The following USP34 variants were observed in gnomAD, a reference collection of about 807,000 sequenced individuals.
USP34 encodes the protein ubiquitin carboxyl-terminal hydrolase 34.
USP34 carries 70 observed loss-of-function variants against 460.3 expected under a neutral mutation model. That is an observed-to-expected ratio of 0.15 (90% CI 0.13 to 0.19). USP34 has a LOEUF of 0.19. USP34 is among the 10% of genes least tolerant of loss of function. The pLI is 1.00. For synonymous variants in USP34, 1,647 were observed against 1,405.3 expected (o/e 1.17, Z -3.85); for missense variants, 3,985 against 4,236.2 (o/e 0.94, Z 1.65).
intron 1 of USP34, among the ~76,000 whole-genome samples, chr2:61,460,737 T>C (rs140697415): frequency 2.0e-5 from 3 of 151,998 alleles, no homozygotes; most frequent in African/African-American, 4.8e-5. Flanking sequence ...GTAATCCCAG[T>C]ACTTTGGGAG....
At position 61,293,478 on chromosome 2, in the gene USP34, C is replaced by T; in HGVS notation, c.4534G>A (p.Glu1512Lys). 1 of 1,612,634 alleles carries T rather than the reference C, an allele frequency of 6.2e-7. No homozygotes were observed. The highest frequency in any genetic ancestry group is 8.5e-7 in the Non-Finnish European group (1 of 1,179,184). The change falls in exon 33 of 80, where the codon GAA becomes AAA. Residue 1512 changes from glutamate to lysine, a missense_variant. Glu to Lys is a moderately conservative substitution (Grantham distance 56). Transcript: ENST00000398571. Reference sequence around the variant, plus strand: ...TATGCACTTACCACAGTCCATGATTCCTGCTCTTTAGGCTCTAGAATTCCA... The same window carrying T: ...TATGCACTTACCACAGTCCATGATTTCTGCTCTTTAGGCTCTAGAATTCCA... ...NSGILEPKEQ[E>K]SWTVWQLDCL...
intron 10 of USP34, among the ~76,000 whole-genome samples, chr2:61,359,823 C>T (rs1692220649): frequency 1.4e-5 from 2 of 142,924 alleles, no homozygotes; most frequent in Admixed American, 7.2e-5. Context: ...CACTCTGTCA[C>T]CCAGCCTAAA....
At chr2:61,445,101 A>G (rs1332728361) in intron 1 of USP34, among the ~76,000 whole-genome samples, 1 of 151,732 alleles carries the variant, frequency 6.6e-6, no homozygotes, top group Non-Finnish European at 1.5e-5. Context: ...GTGTTAGCCT[A>G]AAAATGAACT....
chr2:61,398,622 GGGA>G (rs1693616606), intron 3 of USP34, among the ~76,000 whole-genome samples: 1 of 151,238 alleles, frequency 6.6e-6, no homozygotes, highest in Admixed American at 6.6e-5. Flanking sequence ...AGGAGAAAGA[GGGA>G]GGAGAGAGAA....
Position 61,287,312 on chromosome 2 carries a change from A to G in USP34, c.4749+1365T>C, listed in dbSNP as rs182118510. 8.5e-5 allele frequency among the ~76,000 whole-genome samples: 13 copies of G among 152,350 alleles called. No homozygotes were observed. The East Asian group carries it at 2.1e-3, about 25-fold the overall frequency. ...GAGGTTCTCAAAAGGTTACAAAATG[A>G]GATCTCCCTAAAATCTCACCTTGAT... On this transcript the variant is annotated intron_variant, in intron 34 of 79. Transcript: ENST00000398571.
At chr2:61,451,412 C>T (rs952209028) in intron 1 of USP34, among the ~76,000 whole-genome samples, 4 of 151,906 alleles carry the variant, frequency 2.6e-5, no homozygotes, top group Admixed American at 6.6e-5. Context: ...GTGCTGGGTG[C>T]GGTGGCTCAC....
At chr2:61,433,939 A>C (rs1694745096) in intron 1 of USP34, among the ~76,000 whole-genome samples, 1 of 152,152 alleles carries the variant, frequency 6.6e-6, no homozygotes, top group East Asian at 1.9e-4. Flanking sequence ...TATAGCTGCA[A>C]CTTTGGTCCC....
At chr2:61,469,147 CAGTG>C (rs1162521318) in intron 1 of USP34, among the ~76,000 whole-genome samples, 1 of 151,938 alleles carries the variant, frequency 6.6e-6, no homozygotes, top group East Asian at 1.9e-4. Flanking sequence ...GCAGAGTTTG[CAGTG>C]AGCCGAGATC....
chr2:61,265,584 TC>T (rs756862222), intron 42 of USP34, 27 bp from the exon 43 acceptor site: 16 of 1,571,132 alleles, frequency 1.0e-5, no homozygotes, highest in Non-Finnish European at 1.3e-5. Flanking sequence ...GAGGAAAAGA[TC>T]CCCCCCAAAC....
At chr2:61,329,178 C>T (rs1157957586) in intron 20 of USP34, among the ~76,000 whole-genome samples, 4 of 151,828 alleles carry the variant, frequency 2.6e-5, no homozygotes, top group Non-Finnish European at 5.9e-5. Context: ...TGCGCCACCA[C>T]GCCTGCCTTT....
rs1686509071 is a variant in USP34 at position 61,188,348 on chromosome 2, T to C, written c.10395A>G (p.Glu3465=). 9.3e-6 allele frequency: 15 copies of C among 1,613,730 alleles called. No homozygotes were observed. The highest frequency in any genetic ancestry group is 1.2e-5 in the Non-Finnish European group (14 of 1,180,042). ...AGATAGAAGTAGAAGGGAACTCAGA[T>C]TCTTCCTCAGCTAGGGTAGAATCCT... ...CSKDSTLAEE[E]SEFPSTSISA... Residue 3465 remains glutamate (E), a synonymous_variant, in exon 80 of 80, where the codon GAA becomes GAG. Coordinates refer to ENST00000398571, the MANE Select transcript of USP34 (RefSeq NM_014709.4).
In USP34 at chr2:61,222,916, C is replaced by T. The variant is rs1687626313; in HGVS notation, c.7749+144G>A. 3 of 778,878 alleles carry T rather than the reference C, an allele frequency of 3.9e-6. No homozygotes were observed. In the African/African-American group the frequency reaches 5.3e-5, roughly 14 times the overall value. 48.2% of individuals were successfully genotyped at this position (778,878 alleles called of 1,614,324 possible). ...CTCACTATGTTGCCTAGGCTGGTCTCAAACTCCTAGGCTCAAGCGATCCTC... is the reference window on the plus strand; with the variant it reads ...CTCACTATGTTGCCTAGGCTGGTCTTAAACTCCTAGGCTCAAGCGATCCTC... On this transcript the variant is annotated intron_variant, in intron 64 of 79. Transcript: ENST00000398571.
intron 68 of USP34, among the ~76,000 whole-genome samples, chr2:61,213,667 G>A (rs914702499): frequency 6.6e-6 from 1 of 152,210 alleles, no homozygotes; most frequent in African/African-American, 2.4e-5. Flanking sequence ...ATATAAAATT[G>A]TCTAGCTCAC....
intron 3 of USP34, among the ~76,000 whole-genome samples, chr2:61,399,570 A>T (rs1428059110): frequency 1.3e-5 from 2 of 152,002 alleles, no homozygotes; most frequent in Non-Finnish European, 2.9e-5. Context: ...AGGAAGTCTC[A>T]TTAAAAGACG....
intron 57 of USP34, among the ~76,000 whole-genome samples, chr2:61,233,139 C>A (rs1687961959): frequency 1.3e-5 from 2 of 151,916 alleles, no homozygotes; most frequent in South Asian, 4.1e-4. Flanking sequence ...GTATTATAGG[C>A]GTGAGCCATG....
chr2:61,394,870 T>C lies in USP34; in HGVS notation c.736A>G (p.Ile246Val). The change falls in exon 5 of 80, where the codon ATT (isoleucine) becomes GTT (valine). Residue 246 changes from isoleucine to valine, a missense_variant. By Grantham distance (29) the Ile-to-Val change is conservative. This residue lies in a region of USP34 where 331 missense variants were observed against 293.7 expected (regional missense o/e 1.13). Transcript: ENST00000398571. ...TLPFLIAHAF[I>V]TVVSNIRIWL... ...ATACTTACATTAGACACAACTGTAA[T>C]AAACGCATGTGCTATAAGAAATGGC... 6.3e-7 allele frequency: 1 copy of C among 1,585,564 alleles called. No individual in the cohort carries two copies. Among genetic ancestry groups the C allele is most frequent in the Non-Finnish European group, 8.5e-7 (1 of 1,170,390 alleles).
At chr2:61,333,751 A>C in intron 19 of USP34, 131 bp downstream of exon 19, 2 of 512,912 alleles carry the variant, frequency 3.9e-6, no homozygotes, top group South Asian at 4.6e-5. Flanking sequence ...GAAAAATCTA[A>C]GAAAACAAAC....
At chr2:61,406,233 T>C in intron 2 of USP34, 105 bp from the exon 3 acceptor site, 4 of 1,049,180 alleles carry the variant, frequency 3.8e-6, no homozygotes, top group Non-Finnish European at 3.9e-6. Flanking sequence ...TCTAGACTTG[T>C]TTTTATTTTT....
intron 1 of USP34, among the ~76,000 whole-genome samples, chr2:61,428,845 G>T (rs1208461338): frequency 6.6e-6 from 1 of 152,084 alleles, no homozygotes; most frequent in African/African-American, 2.4e-5. Flanking sequence ...ATTATGTATT[G>T]AAACAGTAAC....
Sources: allele counts gnomAD v4.1 joint callset (sites outside exome capture counted in the v4.1 genomes callset), GRCh38; gene constraint gnomAD v4.1.1; regional missense constraint gnomAD v4.1.1; transcripts MANE v1.5; gene names NCBI Gene and HGNC (gene_info 2026-07-23, HGNC 2026-07-21).